Variants in GRM5 observed in about 807,000 individuals in gnomAD.
The protein encoded by GRM5 is glutamate metabotropic receptor 5.
A neutral mutation model predicts 83.1 loss-of-function variants in GRM5; 19 were observed. The observed-to-expected ratio is 0.23, with a 90% CI of 0.16 to 0.34. The LOEUF is 0.34. Ranked by LOEUF, GRM5 falls within the 10% of genes least tolerant of loss-of-function variation. The pLI is 1.00. For missense variants in GRM5, 1,160 were observed against 1,588.3 expected (o/e 0.73, Z 4.58); for synonymous variants, 675 against 633.6 (o/e 1.07, Z -0.98).
intron 3 of GRM5, among the ~76,000 whole-genome samples, chr11:88,815,939 C>T (rs375143264): frequency 0.016 from 2,420 of 149,528 alleles, 92 homozygotes; most frequent in African/African-American, 0.059. Context: ...AGAGGCCGGG[C>T]GCGGTGGCTC....
Position 88,812,868 on chromosome 11 carries a change from T to C in GRM5, c.911+37038A>G, listed in dbSNP as rs148413141. On this transcript the variant is annotated intron_variant, in intron 3 of 9. Transcript: ENST00000305447. ...ATAGAAACAAATATTTTAAATGTTT[T>C]GAACATAGTTTTCACAGCTAGAAAA... Among the ~76,000 whole-genome samples, 341 of 152,266 alleles carry C rather than the reference T, an allele frequency of 2.2e-3. 2 individuals are homozygous for C. The highest frequency in any genetic ancestry group is 7.9e-3 in the African/African-American group (328 of 41,556).
intron 3 of GRM5, among the ~76,000 whole-genome samples, chr11:88,682,935 T>C (rs1360210539): frequency 2.1e-5 from 3 of 139,740 alleles, no homozygotes; most frequent in Non-Finnish European, 4.8e-5. Flanking sequence ...AACGGAATAG[T>C]TTTTTTTTTT....
At chr11:88,578,011 T>C (rs553078480) in intron 7 of GRM5, among the ~76,000 whole-genome samples, 2 of 152,062 alleles carry the variant, frequency 1.3e-5, no homozygotes, top group East Asian at 1.9e-4. Context: ...GAAGTGTATA[T>C]ACAAAACGGT....
intron 2 of GRM5, among the ~76,000 whole-genome samples, chr11:88,928,496 A>G (rs373728605): frequency 8.6e-6 from 1 of 116,762 alleles, no homozygotes; most frequent in Non-Finnish European, 1.8e-5. Context: ...ATATATGTAT[A>G]TATATATATG....
intron 3 of GRM5, among the ~76,000 whole-genome samples, chr11:88,678,984 A>G (rs1482862032): frequency 6.6e-6 from 1 of 152,180 alleles, no homozygotes; most frequent in Non-Finnish European, 1.5e-5. Flanking sequence ...TCCACATCAT[A>G]TGGAAATCAC....
chr11:88,880,538 G>A (rs1029501238), intron 2 of GRM5, among the ~76,000 whole-genome samples: 1 of 151,958 alleles, frequency 6.6e-6, no homozygotes, highest in African/African-American at 2.4e-5. Flanking sequence ...CAACAACCCT[G>A]GAATACAATT....
At chr11:88,877,857 GAAAGAAGTAAAGAGGGAGGGACAGCA>G (rs1944885029) in intron 2 of GRM5, among the ~76,000 whole-genome samples, 1 of 149,784 alleles carries the variant, frequency 6.7e-6, no homozygotes, top group African/African-American at 2.5e-5. Context: ...AAGAAAGAAA[GAAAGAAGTAAAGAGGGAGGGACAGCA>G]TTGGGAGAGA....
rs1201199973 is a variant in GRM5 at position 88,919,770 on chromosome 11, T to C, written c.662-69615A>G. Among the ~76,000 whole-genome samples, 3 of 151,982 alleles carry C rather than the reference T, an allele frequency of 2.0e-5. No individual in the cohort carries two copies. The East Asian group carries it at 5.8e-4, about 29-fold the overall frequency. ...GTACTTTGGAAACTATAAAAACACG[T>C]GGAAATTAAACAAAATGTTCCTGAA... On this transcript the variant is annotated intron_variant, in intron 2 of 9. Transcript: ENST00000305447.
At chr11:88,851,517 G>A (rs1484420719) in intron 2 of GRM5, among the ~76,000 whole-genome samples, 1 of 152,172 alleles carries the variant, frequency 6.6e-6, no homozygotes, top group Non-Finnish European at 1.5e-5. Flanking sequence ...GTTTATATAT[G>A]TTAGCTCACT....
chr11:88,780,591 T>C (rs1942955241), intron 3 of GRM5, among the ~76,000 whole-genome samples: 1 of 152,232 alleles, frequency 6.6e-6, no homozygotes. Flanking sequence ...TGAAAGTTAA[T>C]TCAGATAATA....
At chr11:88,520,940 G>C (rs1565322170) in intron 9 of GRM5, among the ~76,000 whole-genome samples, 1 of 152,092 alleles carries the variant, frequency 6.6e-6, no homozygotes, top group African/African-American at 2.4e-5. Flanking sequence ...TCACAAAAGA[G>C]TAATAATAAT....
intron 3 of GRM5, among the ~76,000 whole-genome samples, chr11:88,767,496 A>G (rs749977017): frequency 9.2e-5 from 14 of 152,070 alleles, no homozygotes; most frequent in African/African-American, 1.2e-4. Context: ...ATGCAGCCAT[A>G]CAAAAGAATA....
chr11:89,013,450 G>A (rs1285414306), intron 2 of GRM5, among the ~76,000 whole-genome samples: 5 of 152,120 alleles, frequency 3.3e-5, no homozygotes, highest in Non-Finnish European at 7.4e-5. Flanking sequence ...GCTGGTTTAC[G>A]GATCTCTGCA....
intron 3 of GRM5, among the ~76,000 whole-genome samples, chr11:88,674,820 T>C (rs1940282448): frequency 6.6e-6 from 1 of 151,958 alleles, no homozygotes; most frequent in Admixed American, 6.6e-5. Context: ...GTGAGATTTC[T>C]AAAACACAAA....
At chr11:88,987,732 A>AC (rs1048116634) in intron 2 of GRM5, among the ~76,000 whole-genome samples, 56 of 151,708 alleles carry the variant, frequency 3.7e-4, no homozygotes, top group Non-Finnish European at 7.5e-4. Context: ...ACTGGGAGGC[A>AC]CCCCCCAGCA....
chr11:88,537,912 G>A (rs1942172464), intron 8 of GRM5, among the ~76,000 whole-genome samples: 1 of 152,134 alleles, frequency 6.6e-6, no homozygotes, highest in African/African-American at 2.4e-5. Flanking sequence ...ATATTTCACT[G>A]TGTTCTGTGA....
intron 2 of GRM5, among the ~76,000 whole-genome samples, chr11:88,929,319 G>C (rs1192128744): frequency 6.6e-6 from 1 of 151,996 alleles, no homozygotes; most frequent in Non-Finnish European, 1.5e-5. Flanking sequence ...AATATGCTTT[G>C]TAAAGCAAGA....
At chr11:88,582,804 G>A (rs1034004285) in intron 7 of GRM5, among the ~76,000 whole-genome samples, 1 of 152,086 alleles carries the variant, frequency 6.6e-6, no homozygotes, top group Non-Finnish European at 1.5e-5. Flanking sequence ...ATTAACATGT[G>A]ACCAGCTTGA....
chr11:88,961,222 C>T (rs1938772923), intron 2 of GRM5, among the ~76,000 whole-genome samples: 1 of 152,148 alleles, frequency 6.6e-6, no homozygotes, highest in Non-Finnish European at 1.5e-5. Context: ...TATGAACTCA[C>T]TGTTTTAGAA....
Sources: gnomAD v4.1 joint callset for allele counts (sites outside exome capture counted in the v4.1 genomes callset) on GRCh38, gnomAD v4.1.1 for gene constraint, MANE v1.5 for transcripts, NCBI Gene and HGNC (gene_info 2026-07-23, HGNC 2026-07-21) for gene names.